The following DOCK1 variants were observed in gnomAD, a reference collection of about 807,000 sequenced individuals.
The protein encoded by DOCK1 is dedicator of cytokinesis 1, also known as dedicator of cytokinesis protein 1.
A neutral mutation model predicts 262.7 loss-of-function variants in DOCK1; 138 were observed. That is an observed-to-expected ratio of 0.53 (90% CI 0.46 to 0.61). The LOEUF (loss-of-function observed/expected upper bound fraction) is 0.61, where lower values mean the gene tolerates loss of function less well. Among genes scored for constraint, DOCK1 ranks in the 20% least tolerant of loss-of-function variants. The pLI is 0.00. For synonymous variants in DOCK1, 866 were observed against 867.4 expected (o/e 1.00, Z 0.03); for missense variants, 1,908 against 2,370.7 (o/e 0.80, Z 4.05).
chr10:126,962,321 G>A (rs1418576648), intron 1 of DOCK1, among the ~76,000 whole-genome samples: 2 of 152,176 alleles, frequency 1.3e-5, no homozygotes, highest in Non-Finnish European at 2.9e-5. Context: ...CGCCATGCCC[G>A]ACTAATTTTG....
At chr10:127,234,409 G>A (rs1016804777) in intron 27 of DOCK1, among the ~76,000 whole-genome samples, 1 of 151,936 alleles carries the variant, frequency 6.6e-6, no homozygotes, top group African/African-American at 2.4e-5. Context: ...TGTTCAAAGG[G>A]TTATTTAAAA....
intron 27 of DOCK1, among the ~76,000 whole-genome samples, chr10:127,147,434 G>A (rs2051991124): frequency 6.6e-6 from 1 of 152,180 alleles, no homozygotes; most frequent in Admixed American, 6.5e-5. Flanking sequence ...TTGCCAGGTC[G>A]GGCACCCTGG....
At chr10:127,199,587 C>A (rs751110316) in intron 27 of DOCK1, among the ~76,000 whole-genome samples, 1 of 152,162 alleles carries the variant, frequency 6.6e-6, no homozygotes, top group Non-Finnish European at 1.5e-5. Context: ...GGAAGCCAGA[C>A]GCCCAGTGTT....
intron 30 of DOCK1, among the ~76,000 whole-genome samples, chr10:127,341,092 GTGTTTT>G (rs888490611): frequency 4.6e-5 from 7 of 152,100 alleles, no homozygotes; most frequent in Non-Finnish European, 8.8e-5. Context: ...GTGTGGTTTT[GTGTTTT>G]TGTTTTTATC....
intron 23 of DOCK1, among the ~76,000 whole-genome samples, chr10:127,080,478 A>C (rs2046838343): frequency 6.6e-6 from 1 of 152,036 alleles, no homozygotes; most frequent in South Asian, 2.1e-4. Context: ...ATTACTATTT[A>C]ATATCCAGCC....
intron 1 of DOCK1, among the ~76,000 whole-genome samples, chr10:126,913,189 C>G (rs1242805104): frequency 6.6e-6 from 1 of 152,202 alleles, no homozygotes; most frequent in Non-Finnish European, 1.5e-5. Context: ...TGTGATCATT[C>G]TCCTGTGAGT....
intron 27 of DOCK1, among the ~76,000 whole-genome samples, chr10:127,198,210 C>T (rs1461498417): frequency 1.3e-5 from 2 of 152,218 alleles, no homozygotes; most frequent in Non-Finnish European, 2.9e-5. Context: ...GAGTTGGGGA[C>T]GTTTAAAACC....
intron 29 of DOCK1, among the ~76,000 whole-genome samples, chr10:127,260,869 GCA>G (rs1491039056): frequency 8.1e-6 from 1 of 124,028 alleles, no homozygotes; most frequent in African/African-American, 3.3e-5. Context: ...CTGTGTGTGT[GCA>G]TGTGTGTGTG....
chr10:127,108,201 A>G (rs764425379), intron 24 of DOCK1, among the ~76,000 whole-genome samples: 5 of 152,270 alleles, frequency 3.3e-5, no homozygotes, highest in Non-Finnish European at 7.3e-5. Flanking sequence ...AAGAGATGAC[A>G]GAAGAGGGTA....
At chr10:127,022,762 A>C (rs2042530850) in intron 13 of DOCK1, among the ~76,000 whole-genome samples, 1 of 152,144 alleles carries the variant, frequency 6.6e-6, no homozygotes, top group Non-Finnish European at 1.5e-5. Flanking sequence ...AATGCATAGG[A>C]GGCAACCTTG....
At chr10:127,415,123 C>A in intron 43 of DOCK1, 29 bp from the exon 44 acceptor site, 10 of 1,597,716 alleles carry the variant, frequency 6.3e-6, no homozygotes, top group Non-Finnish European at 8.6e-6. Flanking sequence ...CCTTCTAACC[C>A]GTGTTGTGTG....
At chr10:127,128,331 G>A (rs1564823227) in intron 27 of DOCK1, among the ~76,000 whole-genome samples, 1 of 66,290 alleles carries the variant, frequency 1.5e-5, no homozygotes, top group African/African-American at 3.9e-5. Context: ...AGTAGATCTC[G>A]TTTAATTTTT....
chr10:127,030,480 A>G (rs1446017008), intron 16 of DOCK1, among the ~76,000 whole-genome samples: 2 of 152,184 alleles, frequency 1.3e-5, no homozygotes, highest in Non-Finnish European at 2.9e-5. Flanking sequence ...CAGCATTGAC[A>G]TCTTGGCTTA....
chr10:127,432,560 T>TGC (rs1400033436), intron 47 of DOCK1, among the ~76,000 whole-genome samples: 2 of 152,214 alleles, frequency 1.3e-5, no homozygotes, highest in East Asian at 3.9e-4. Flanking sequence ...TGGCTCGGGG[T>TGC]GCAGGTACCC....
At chr10:127,240,450 A>G (rs1466562590) in intron 27 of DOCK1, among the ~76,000 whole-genome samples, 2 of 152,150 alleles carry the variant, frequency 1.3e-5, no homozygotes, top group African/African-American at 4.8e-5. Context: ...TTATATGGGA[A>G]AGGTTTTATG....
chr10:127,379,129 C>T (rs145809004), intron 35 of DOCK1, among the ~76,000 whole-genome samples: 1 of 152,316 alleles, frequency 6.6e-6, no homozygotes, highest in East Asian at 1.9e-4. Context: ...TTGAAAGTGA[C>T]TCTGATGTTT....
chr10:127,164,463 G>T (rs1371627825), intron 27 of DOCK1, among the ~76,000 whole-genome samples: 1 of 152,080 alleles, frequency 6.6e-6, no homozygotes, highest in South Asian at 2.1e-4. Flanking sequence ...GATTACAGGC[G>T]TGAGCCACTG....
At chr10:127,077,700 C>T (rs551607475) in intron 23 of DOCK1, among the ~76,000 whole-genome samples, 17 of 152,186 alleles carry the variant, frequency 1.1e-4, no homozygotes, top group Admixed American at 8.5e-4. Context: ...ACCAGGTATT[C>T]GACCCCCCAA....
intron 39 of DOCK1, among the ~76,000 whole-genome samples, chr10:127,403,784 C>G (rs1187493137): frequency 6.6e-6 from 1 of 152,136 alleles, no homozygotes; most frequent in African/African-American, 2.4e-5. Context: ...CTGACCCCTT[C>G]TATGAGAGAG....
Sources: allele counts gnomAD v4.1 joint callset (sites outside exome capture counted in the v4.1 genomes callset), GRCh38; gene constraint gnomAD v4.1.1; transcripts MANE v1.5; gene names NCBI Gene and HGNC (gene_info 2026-07-23, HGNC 2026-07-21).